BMAL1: variants seen among roughly 807,000 people sequenced by gnomAD.
BMAL1 encodes the protein basic helix-loop-helix ARNT like 1, also known as basic helix-loop-helix ARNT-like protein 1.
At chr11:13,374,245 T>G in the BMAL1 span, 1 of 1,562,942 alleles carries the variant, frequency 6.4e-7, no homozygotes, top group Non-Finnish European at 8.8e-7. Flanking sequence ...AAGTGTCCCC[T>G]TGCTTCTAGA....
chr11:13,359,549 C>T, the BMAL1 span, among the ~76,000 whole-genome samples: 3 of 152,192 alleles, frequency 2.0e-5, no homozygotes, highest in Non-Finnish European at 4.4e-5. Flanking sequence ...TCTCAAGTTA[C>T]AGTAAAGAGC....
chr11:13,298,847 C>G, the BMAL1 span, among the ~76,000 whole-genome samples: 8 of 152,212 alleles, frequency 5.3e-5, no homozygotes, highest in African/African-American at 1.9e-4. Flanking sequence ...GCTCTGTGTT[C>G]CCCTTCATTT....
chr11:13,311,448 A>C, the BMAL1 span, among the ~76,000 whole-genome samples: 1 of 152,212 alleles, frequency 6.6e-6, no homozygotes, highest in Non-Finnish European at 1.5e-5. Context: ...ATTTGTGACA[A>C]GGTCTTTGCA....
the BMAL1 span, among the ~76,000 whole-genome samples, chr11:13,278,482 C>A: frequency 5.3e-5 from 8 of 152,198 alleles, no homozygotes; most frequent in African/African-American, 1.9e-4. Context: ...CTTTCGGGAG[C>A]CCGCGAGGCT....
the BMAL1 span, among the ~76,000 whole-genome samples, chr11:13,297,738 C>T: frequency 1.3e-5 from 2 of 152,222 alleles, no homozygotes; most frequent in African/African-American, 4.8e-5. Flanking sequence ...TCTCTTCCCC[C>T]TGCTTTCCAT....
At chr11:13,305,525 T>C in the BMAL1 span, among the ~76,000 whole-genome samples, 1 of 152,260 alleles carries the variant, frequency 6.6e-6, no homozygotes, top group Admixed American at 6.5e-5. Flanking sequence ...ATTTTCTGCA[T>C]AGACAATTGT....
the BMAL1 span, among the ~76,000 whole-genome samples, chr11:13,342,089 C>T: frequency 6.6e-6 from 1 of 152,316 alleles, no homozygotes; most frequent in South Asian, 2.1e-4. Flanking sequence ...AGAGGCAGCA[C>T]CTGGGAGATC....
chr11:13,290,343 T>C, the BMAL1 span, among the ~76,000 whole-genome samples: 2 of 152,168 alleles, frequency 1.3e-5, no homozygotes, highest in African/African-American at 4.8e-5. Flanking sequence ...CAGGCAGCTG[T>C]GAACCAGAAA....
the BMAL1 span, among the ~76,000 whole-genome samples, chr11:13,326,977 G>A: frequency 3.3e-5 from 5 of 151,838 alleles, no homozygotes; most frequent in Admixed American, 6.6e-5. Context: ...CCGCCACCAC[G>A]CCCGGCTAAT....
the BMAL1 span, chr11:13,378,478 C>G: frequency 1.9e-6 from 3 of 1,587,778 alleles, no homozygotes; most frequent in African/African-American, 4.0e-5. Flanking sequence ...TCTGTTAAAC[C>G]AGTGGTTCTC....
chr11:13,284,232 GTGTA>G, the BMAL1 span, among the ~76,000 whole-genome samples: 3 of 8,108 alleles, frequency 3.7e-4, 1 homozygote, highest in African/African-American at 1.0e-3. Context: ...ATATATGTGT[GTGTA>G]TATATATATA....
chr11:13,384,362 G>A, the BMAL1 span, among the ~76,000 whole-genome samples: 1 of 152,182 alleles, frequency 6.6e-6, no homozygotes, highest in Non-Finnish European at 1.5e-5. Flanking sequence ...GCATAACTCA[G>A]TGAACCAATA....
At chr11:13,306,708 G>A in the BMAL1 span, among the ~76,000 whole-genome samples, 5 of 152,362 alleles carry the variant, frequency 3.3e-5, no homozygotes, top group African/African-American at 1.2e-4. Context: ...AGAAAACGGC[G>A]TGATGGGCCT....
chr11:13,376,706 C>T, the BMAL1 span: 8 of 1,613,994 alleles, frequency 5.0e-6, no homozygotes, highest in South Asian at 1.1e-5. Context: ...ACAGCATGGA[C>T]AGCATGCTGC....
At chr11:13,328,924 A>T in the BMAL1 span, among the ~76,000 whole-genome samples, 1 of 152,180 alleles carries the variant, frequency 6.6e-6, no homozygotes, top group Non-Finnish European at 1.5e-5. Flanking sequence ...TAATTATTTT[A>T]CCTCATAATA....
At chr11:13,375,193 T>C in the BMAL1 span, among the ~76,000 whole-genome samples, 2 of 152,190 alleles carry the variant, frequency 1.3e-5, no homozygotes, top group African/African-American at 4.8e-5. Flanking sequence ...AAGAATGAGG[T>C]TGAATAGGTG....
the BMAL1 span, among the ~76,000 whole-genome samples, chr11:13,278,278 G>T: frequency 6.6e-6 from 1 of 152,228 alleles, no homozygotes; most frequent in Non-Finnish European, 1.5e-5. Flanking sequence ...TCGCTACCTG[G>T]CGGGGGGAGG....
chr11:13,278,220 G>A, the BMAL1 span, among the ~76,000 whole-genome samples: 1 of 152,248 alleles, frequency 6.6e-6, no homozygotes, highest in African/African-American at 2.4e-5. Flanking sequence ...AGCCCTTAAA[G>A]GGGCCGGGAA....
At chr11:13,355,982 G>A in the BMAL1 span, among the ~76,000 whole-genome samples, 1 of 152,330 alleles carries the variant, frequency 6.6e-6, no homozygotes. Flanking sequence ...ATGGATTGGA[G>A]AAGGCGGTGA....
Sources: gnomAD v4.1 joint callset for allele counts (sites outside exome capture counted in the v4.1 genomes callset) on GRCh38, gnomAD v4.1.1 for gene constraint, MANE v1.5 for transcripts, NCBI Gene and HGNC (gene_info 2026-07-23, HGNC 2026-07-21) for gene names.